MAP7: variants seen among roughly 807,000 people sequenced by gnomAD.
The protein encoded by MAP7 is microtubule associated protein 7, also known as ensconsin.
In MAP7, 52 loss-of-function variants were observed where a neutral mutation model predicts 94.8. The ratio of observed to expected loss-of-function variants is 0.55; its 90% CI spans 0.44 to 0.69. MAP7 has a LOEUF of 0.69. Ranked by LOEUF, MAP7 falls within the 30% of genes least tolerant of loss-of-function variation. MAP7 has a pLI of 0.00. For synonymous variants in MAP7, 350 were observed against 357.0 expected (o/e 0.98, Z 0.22); for missense variants, 940 against 964.6 (o/e 0.97, Z 0.34).
At chr6:136,347,455 G>T (rs1415916403) in intron 16 of MAP7, among the ~76,000 whole-genome samples, 1 of 152,040 alleles carries the variant, frequency 6.6e-6, no homozygotes, top group African/African-American at 2.4e-5. Context: ...GCCCAGGCTG[G>T]AGTGCAGTGG....
chr6:136,440,308 G>GT (rs973005978), intron 1 of MAP7, among the ~76,000 whole-genome samples: 11 of 152,184 alleles, frequency 7.2e-5, no homozygotes, highest in African/African-American at 2.7e-4. Context: ...ACGTAATGTA[G>GT]TAAGTACTGT....
rs116138154 is a variant in MAP7 at position 136,483,817 on chromosome 6, A to C, written c.68-62018T>G. ...CTGTAAACTTCAGAGGAAATAGGAA[A>C]ATGGATTCTTTTACATAGTGGCCTA... On this transcript the variant is annotated intron_variant, in intron 1 of 17. Coordinates refer to ENST00000354570, the MANE Select transcript of MAP7 (RefSeq NM_003980.6). Among the ~76,000 whole-genome samples the C allele has an allele frequency of 5.9e-3, 900 of 152,342 alleles. 9 individuals carry two copies. Among genetic ancestry groups the C allele is most frequent in the African/African-American group, 0.021 (860 of 41,580 alleles).
chr6:136,348,072 G>T (rs1331324700), intron 16 of MAP7, among the ~76,000 whole-genome samples: 1 of 150,606 alleles, frequency 6.6e-6, no homozygotes, highest in East Asian at 2.0e-4. Flanking sequence ...TAAGTGCCTG[G>T]GCTGCCACAC....
chr6:136,533,808 C>T (rs1280697238), intron 1 of MAP7, among the ~76,000 whole-genome samples: 1 of 152,126 alleles, frequency 6.6e-6, no homozygotes, highest in Non-Finnish European at 1.5e-5. Context: ...AGAGGAGTAC[C>T]AAGCCATTCA....
intron 1 of MAP7, among the ~76,000 whole-genome samples, chr6:136,464,951 C>G (rs1304114799): frequency 6.6e-6 from 1 of 152,176 alleles, no homozygotes; most frequent in Non-Finnish European, 1.5e-5. Flanking sequence ...CAAACAATGA[C>G]AGAGAGCACT....
intron 1 of MAP7, among the ~76,000 whole-genome samples, chr6:136,508,592 C>G (rs989261061): frequency 1.6e-4 from 24 of 152,196 alleles, no homozygotes; most frequent in African/African-American, 5.5e-4. Context: ...GGGATGCCTG[C>G]TTCTCTTCAG....
Position 136,362,668 on chromosome 6 carries a change from G to A in MAP7, c.1308C>T (p.Ala436=), listed in dbSNP as rs1793176213. 1 of 1,607,218 alleles carries A rather than the reference G, an allele frequency of 6.2e-7. No individual in the cohort carries two copies. The highest frequency in any genetic ancestry group is 8.5e-7 in the Non-Finnish European group (1 of 1,177,440). ...GAGCTGGGGCCGAGGCTGGAGCTGGGGCCGAGGCTGGAGCTGGGGCCATGG... is the reference window on the plus strand; with the variant it reads ...GAGCTGGGGCCGAGGCTGGAGCTGGAGCCGAGGCTGGAGCTGGGGCCATGG... ...APAMAPAPAS[A]PAPASAPAPA... is the part of the protein sequence containing the mutation. The change falls in exon 11 of 18, where the codon GCC becomes GCT. Residue 436 remains alanine (A), a synonymous_variant. Coordinates refer to ENST00000354570, the MANE Select transcript of MAP7 (RefSeq NM_003980.6).
intron 17 of MAP7, among the ~76,000 whole-genome samples, chr6:136,344,860 T>G (rs1787248807): frequency 6.6e-6 from 1 of 152,246 alleles, no homozygotes; most frequent in Admixed American, 6.5e-5. Flanking sequence ...ACATTGGTTA[T>G]CACACCGAAT....
At chr6:136,531,027 A>G (rs1828441235) in intron 1 of MAP7, among the ~76,000 whole-genome samples, 1 of 144,996 alleles carries the variant, frequency 6.9e-6, no homozygotes, top group Non-Finnish European at 1.5e-5. Context: ...ACTAAGCTTT[A>G]AAACCCTTTC....
chr6:136,473,784 C>G (rs2128944161), intron 1 of MAP7, among the ~76,000 whole-genome samples: 1 of 152,158 alleles, frequency 6.6e-6, no homozygotes, highest in African/African-American at 2.4e-5. Flanking sequence ...ATATATTTTG[C>G]CAAAGAGAAC....
At chr6:136,373,000 T>A (rs979624034) in intron 7 of MAP7, among the ~76,000 whole-genome samples, 1 of 152,208 alleles carries the variant, frequency 6.6e-6, no homozygotes, top group African/African-American at 2.4e-5. Flanking sequence ...ACATTAGTGA[T>A]AAAAGATAAT....
At chr6:136,480,950 C>T (rs905470962) in intron 1 of MAP7, among the ~76,000 whole-genome samples, 5 of 152,022 alleles carry the variant, frequency 3.3e-5, no homozygotes, top group African/African-American at 7.3e-5. Context: ...GATTTTGAAA[C>T]GGGCAAAAGG....
intron 1 of MAP7, among the ~76,000 whole-genome samples, chr6:136,546,324 C>A (rs1405452585): frequency 6.8e-6 from 1 of 146,192 alleles, no homozygotes; most frequent in Non-Finnish European, 1.5e-5. Context: ...TTTTTTTTTT[C>A]AAACCATTAA....
At position 136,421,744 on chromosome 6, in the gene MAP7, A is replaced by C; in HGVS notation, c.123T>G (p.Ser41=). 6.2e-7 allele frequency: 1 copy of C among 1,614,066 alleles called. No homozygotes were observed. Among genetic ancestry groups the C allele is most frequent in the Non-Finnish European group, 8.5e-7 (1 of 1,179,978 alleles). Residue 41 remains serine, a synonymous_variant, in exon 2 of 18, where the codon TCT becomes TCG. Transcript: ENST00000354570. ...DKKNASSRPA[S]AISGQNNNHS... is the part of the protein sequence containing the mutation. ...GGTTGTTATTTTGTCCTGAAATTGCAGAGGCAGGGCGGCTGGAGGCATTTT... is the reference window on the plus strand; with the variant it reads ...GGTTGTTATTTTGTCCTGAAATTGCCGAGGCAGGGCGGCTGGAGGCATTTT...
At position 136,421,682 on chromosome 6, in the gene MAP7, T is replaced by A; in HGVS notation, c.166+19A>T. On this transcript the variant is annotated intron_variant, in intron 2 of 17. Transcript: ENST00000354570. Reference sequence around the variant, plus strand: ...AAAGATAACCTTTATTTTCCCACAGTTAATGCAATGCATCATACCTGGTTT... The same window carrying A: ...AAAGATAACCTTTATTTTCCCACAGATAATGCAATGCATCATACCTGGTTT... 6.3e-7 allele frequency: 1 copy of A among 1,591,122 alleles called. No individual in the cohort carries two copies. The highest frequency in any genetic ancestry group is 1.1e-5 in the South Asian group (1 of 90,516).
chr6:136,479,619 T>C (rs1043543077), intron 1 of MAP7, among the ~76,000 whole-genome samples: 3 of 152,156 alleles, frequency 2.0e-5, no homozygotes, highest in African/African-American at 7.2e-5. Flanking sequence ...CTAAAGACGT[T>C]ACCAAAATAC....
chr6:136,366,233 C>A (rs1347861961), intron 9 of MAP7, 94 bp downstream of exon 9: 4 of 1,175,328 alleles, frequency 3.4e-6, no homozygotes, highest in Non-Finnish European at 5.0e-6. Context: ...AAGTCAAAGC[C>A]AAACAGCATG....
intron 2 of MAP7, among the ~76,000 whole-genome samples, chr6:136,414,946 C>T (rs1455281239): frequency 1.3e-5 from 2 of 151,962 alleles, no homozygotes; most frequent in African/African-American, 2.4e-5. Flanking sequence ...TCCCAAGTAG[C>T]TGAGATGACA....
At chr6:136,359,537 G>T (rs542275706) in intron 15 of MAP7, among the ~76,000 whole-genome samples, 32 of 152,156 alleles carry the variant, frequency 2.1e-4, no homozygotes, top group Non-Finnish European at 4.0e-4. Context: ...ACACATATAT[G>T]TATAAGTATA....
Sources: allele counts gnomAD v4.1 joint callset (sites outside exome capture counted in the v4.1 genomes callset), GRCh38; gene constraint gnomAD v4.1.1; transcripts MANE v1.5; gene names NCBI Gene and HGNC (gene_info 2026-07-23, HGNC 2026-07-21).